ZNF197: variants seen among roughly 807,000 people sequenced by gnomAD.
ZNF197 encodes zinc finger protein 197.
ZNF197 carries 14 observed loss-of-function variants against 27.4 expected under a neutral mutation model. The ratio of observed to expected loss-of-function variants is 0.51; its 90% CI spans 0.34 to 0.80. The LOEUF (loss-of-function observed/expected upper bound fraction) is 0.80. Among genes scored for constraint, ZNF197 ranks in the 30% least tolerant of loss-of-function variants. The pLI, the probability that ZNF197 is intolerant of heterozygous loss-of-function variation, is 0.02. For synonymous variants in ZNF197, 415 were observed against 420.0 expected (o/e 0.99, Z 0.15); for missense variants, 1,090 against 1,222.6 (o/e 0.89, Z 1.62).
intron 3 of ZNF197, 76 bp downstream of exon 3, chr3:44,631,297 T>C: frequency 6.4e-7 from 1 of 1,557,362 alleles, no homozygotes; most frequent in South Asian, 1.2e-5. Context: ...TCCAGGGAGT[T>C]GCTTCCTCTG....
intron 3 of ZNF197, 134 bp downstream of exon 3, chr3:44,631,355 CTGT>C (rs1003718718): frequency 1.8e-6 from 2 of 1,098,570 alleles, no homozygotes; most frequent in Non-Finnish European, 2.6e-6. Context: ...TTCTGCTGTT[CTGT>C]TGTTCTCTCC....
Position 44,642,719 on chromosome 3 carries a change from G to T in ZNF197, c.1589G>T (p.Arg530Ile). ...AAGAAGAGCCTCATTCTGCACCAGA[G>T]AATCCACTCTGGGGAAAAACCCTAT... ...ILKKSLILHQ[R>I]IHSGEKPYKC... is the part of the protein sequence containing the mutation. Residue 530 changes from arginine to isoleucine, a missense_variant, in exon 6 of 6, where the codon AGA becomes ATA. By Grantham distance (97) the Arg-to-Ile change is moderately conservative (BLOSUM62 -3). Coordinates refer to ENST00000344387, the MANE Select transcript of ZNF197 (RefSeq NM_006991.5). 1 of 1,613,858 alleles carries T rather than the reference G, an allele frequency of 6.2e-7. No individual in the cohort carries two copies. Among genetic ancestry groups the T allele is most frequent in the East Asian group, 2.2e-5 (1 of 44,874 alleles).
intron 5 of ZNF197, among the ~76,000 whole-genome samples, chr3:44,637,130 C>A (rs1164951111): frequency 1.3e-5 from 2 of 152,058 alleles, no homozygotes; most frequent in African/African-American, 2.4e-5. Flanking sequence ...ATATGACTTA[C>A]AAATATTTTC....
At chr3:44,628,137 C>A (rs1174788668) in intron 1 of ZNF197, among the ~76,000 whole-genome samples, 1 of 152,114 alleles carries the variant, frequency 6.6e-6, no homozygotes, top group Non-Finnish European at 1.5e-5. Context: ...AATTTGTTAT[C>A]AAGGATAGCC....
At position 44,643,777 on chromosome 3, in the gene ZNF197, C is replaced by T; in HGVS notation, c.2647C>T (p.Leu883Phe). The change falls in exon 6 of 6, where the codon CTT becomes TTT. Residue 883 changes from leucine (L) to phenylalanine (F), a missense_variant. By Grantham distance (22) the Leu-to-Phe change is conservative. Coordinates refer to ENST00000344387, the MANE Select transcript of ZNF197 (RefSeq NM_006991.5). ...CGAATGTCATGTATGTAGGAAAGTCCTTACCTCTAGTAGAAATCTTATGGT... is the reference window on the plus strand; with the variant it reads ...CGAATGTCATGTATGTAGGAAAGTCTTTACCTCTAGTAGAAATCTTATGGT... Reference protein sequence around the residue: ...TYECHVCRKVLTSSRNLMVHQ... With the variant: ...TYECHVCRKVFTSSRNLMVHQ... The T allele has an allele frequency of 6.2e-7, 1 of 1,613,942 alleles. No individual in the cohort carries two copies. The highest frequency in any genetic ancestry group is 8.5e-7 in the Non-Finnish European group (1 of 1,180,024).
At position 44,643,394 on chromosome 3, in the gene ZNF197, T is replaced by C. The variant is rs1702749226; in HGVS notation, c.2264T>C (p.Ile755Thr). The change falls in exon 6 of 6, where the codon ATC becomes ACC. Residue 755 changes from isoleucine to threonine, a missense_variant. Ile to Thr is a moderately conservative substitution (Grantham distance 89). Transcript: ENST00000344387. ...YNSSLLVHRR[I>T]HTGEKPFECS... is the part of the protein sequence containing the mutation. Reference sequence around the variant, plus strand: ...TCAAGCCTGCTTGTACATCGGAGAATCCACACCGGAGAAAAACCCTTTGAA... The same window carrying C: ...TCAAGCCTGCTTGTACATCGGAGAACCCACACCGGAGAAAAACCCTTTGAA... The C allele has an allele frequency of 1.2e-6, 2 of 1,614,078 alleles. No homozygotes were observed. Among genetic ancestry groups the C allele is most frequent in the Non-Finnish European group, 1.7e-6 (2 of 1,180,042 alleles).
At chr3:44,634,997 C>T (rs1415146732) in intron 5 of ZNF197, among the ~76,000 whole-genome samples, 1 of 151,974 alleles carries the variant, frequency 6.6e-6, no homozygotes, top group Non-Finnish European at 1.5e-5. Context: ...GTTTTTTAAT[C>T]CAAGTAGCTT....
At chr3:44,634,303 C>T (rs1702162477) in intron 5 of ZNF197, among the ~76,000 whole-genome samples, 1 of 152,086 alleles carries the variant, frequency 6.6e-6, no homozygotes. Flanking sequence ...TCAGTTGTTG[C>T]ATATGTTTTT....
chr3:44,648,468 A>AT lies in ZNF197; in HGVS notation c.*4250dup, dbSNP rs1427976792. ...TTCAAAATAAAACATTTGAGGGGAA[A>AT]TTATCAGGGCTTTCTACAGATTAAT... is the stretch of plus-strand genomic sequence containing the variant. On this transcript the variant is annotated 3_prime_UTR_variant, in exon 6 of 6. Coordinates refer to ENST00000344387, the MANE Select transcript of ZNF197 (RefSeq NM_006991.5). 6.6e-6 allele frequency: 1 copy of AT among 152,174 alleles called. No homozygotes were observed. The highest frequency in any genetic ancestry group is 6.5e-5 in the Admixed American group (1 of 15,278). The allele number at this position is 152,174 out of a possible 1,614,324, so 9.4% of individuals were successfully genotyped here.
In ZNF197 at chr3:44,643,424, G is replaced by C. The variant is rs868156201; in HGVS notation, c.2294G>C (p.Ser765Thr). ...ACCGGAGAAAAACCCTTTGAATGCA[G>C]TGAGTGTGGAAGAGCTTTCAGTTCA... is the stretch of plus-strand genomic sequence containing the variant. ...IHTGEKPFEC[S>T]ECGRAFSSNR... The change falls in exon 6 of 6, where the codon AGT becomes ACT. Residue 765 changes from serine (S) to threonine (T), a missense_variant. Ser to Thr is a moderately conservative substitution (Grantham distance 58, BLOSUM62 1). Transcript: ENST00000344387. 6.2e-7 allele frequency: 1 copy of C among 1,614,078 alleles called. No homozygotes were observed.
rs1258452588 is a variant in ZNF197 at position 44,647,900 on chromosome 3, T to C, written c.*3680T>C. 1 of 152,178 alleles carries C rather than the reference T, an allele frequency of 6.6e-6. No homozygotes were observed. The highest frequency in any genetic ancestry group is 1.5e-5 in the Non-Finnish European group (1 of 68,042). 9.4% of individuals were successfully genotyped at this position (152,178 alleles called of 1,614,324 possible). A position where few individuals can be genotyped will look rare whatever the true frequency, so the allele number is the denominator to read the frequency against. ...TTGTGTATCTTGATTGCAGTGGTGG[T>C]TACACAAATCTATAGGTGCTATACC... On this transcript the variant is annotated 3_prime_UTR_variant, in exon 6 of 6. Transcript: ENST00000344387.
Position 44,644,154 on chromosome 3 carries a change from T to C in ZNF197, c.3024T>C (p.His1008=). 4 of 1,613,700 alleles carry C rather than the reference T, an allele frequency of 2.5e-6. No homozygotes were observed. The South Asian group carries it at 4.4e-5, about 18-fold the overall frequency. Residue 1008 remains histidine (H), a synonymous_variant, in exon 6 of 6, where the codon CAT becomes CAC. Coordinates refer to ENST00000344387, the MANE Select transcript of ZNF197 (RefSeq NM_006991.5). ...TSNLHLQQKI[H]TIEEFSWLQN... is the part of the protein sequence containing the mutation. ...ACCTTCATCTTCAACAGAAAATCCA[T>C]ACCATTGAGGAATTCTCTTGGCTAC...
At chr3:44,631,022 TAAGAAAC>T (rs1559463665) in intron 2 of ZNF197, 33 bp from the exon 3 acceptor site, 2 of 1,613,140 alleles carry the variant, frequency 1.2e-6, no homozygotes, top group African/African-American at 2.7e-5. Flanking sequence ...TCCATTTTCT[TAAGAAAC>T]AAGAAGAGCT....
Position 44,646,115 on chromosome 3 carries a change from A to C in ZNF197, c.*1895A>C. On this transcript the variant is annotated 3_prime_UTR_variant, in exon 6 of 6. Transcript: ENST00000344387. ...CAAGAGTGAAAACTGGAAGGGGCCTAAGGCTTAAAGTCTTAAGACCTGGAT... is the reference window on the plus strand; with the variant it reads ...CAAGAGTGAAAACTGGAAGGGGCCTCAGGCTTAAAGTCTTAAGACCTGGAT... 1.0e-6 allele frequency: 1 copy of C among 985,392 alleles called. No homozygotes were observed. The highest frequency in any genetic ancestry group is 4.7e-5 in the South Asian group (1 of 21,286). The allele number at this position is 985,392 out of a possible 1,614,324, so 61.0% of individuals were successfully genotyped here.
intron 5 of ZNF197, among the ~76,000 whole-genome samples, chr3:44,634,266 A>G (rs995010142): frequency 1.3e-5 from 2 of 152,106 alleles, no homozygotes; most frequent in African/African-American, 4.8e-5. Flanking sequence ...TATACTTCCT[A>G]TATATAGAAC....
In ZNF197 at chr3:44,645,028, T is replaced by C. The variant is rs1391619667; in HGVS notation, c.*808T>C. The C allele has an allele frequency of 2.0e-6, 2 of 985,364 alleles. No homozygotes were observed. Among genetic ancestry groups the C allele is most frequent in the East Asian group, 2.3e-4 (2 of 8,832 alleles). The allele number at this position is 985,364 out of a possible 1,614,324, so 61.0% of individuals were successfully genotyped here. ...TGGAGTTGGGCGGACAAGAGTCTGC[T>C]GATGAGGACAACCTAAAAGAGCACT... On this transcript the variant is annotated 3_prime_UTR_variant, in exon 6 of 6. Coordinates refer to ENST00000344387, the MANE Select transcript of ZNF197 (RefSeq NM_006991.5).
intron 1 of ZNF197, among the ~76,000 whole-genome samples, 164 bp downstream of exon 1, chr3:44,625,307 G>C (rs1392380811): frequency 6.6e-6 from 1 of 152,214 alleles, no homozygotes; most frequent in South Asian, 2.1e-4. Flanking sequence ...TCGTGGCCTC[G>C]GCTGGGCAGG....
rs1559476110 is a variant in ZNF197 at position 44,643,759 on chromosome 3, CATGTA to C, written c.2630_2634del (p.His877LeufsTer2). ...CAGTGGAGAAAAAACCTACGAATGTCATGTATGTAGGAAAGTCCTTACCTCTAGTA... is the reference window on the plus strand; with the variant it reads ...CAGTGGAGAAAAAACCTACGAATGTCTGTAGGAAAGTCCTTACCTCTAGTA... On this transcript the variant is annotated frameshift_variant, in exon 6 of 6. Transcript: ENST00000344387. LOFTEE classifies it low-confidence loss of function (END_TRUNC). 6.2e-7 allele frequency: 1 copy of C among 1,613,978 alleles called. No individual in the cohort carries two copies. Among genetic ancestry groups the C allele is most frequent in the Non-Finnish European group, 8.5e-7 (1 of 1,180,022 alleles).
chr3:44,629,589 G>A, intron 2 of ZNF197, 45 bp downstream of exon 2: 1 of 1,510,408 alleles, frequency 6.6e-7, no homozygotes, highest in South Asian at 1.4e-5. Context: ...ATGAAAGGAA[G>A]GAAAGAATTG....
Sources: gnomAD v4.1 joint callset for allele counts (sites outside exome capture counted in the v4.1 genomes callset) on GRCh38, gnomAD v4.1.1 for gene constraint, MANE v1.5 for transcripts, NCBI Gene and HGNC (gene_info 2026-07-23, HGNC 2026-07-21) for gene names.